The following FAM163A variants were observed in gnomAD, a reference collection of about 807,000 sequenced individuals.
FAM163A encodes family with sequence similarity 163 member A.
In FAM163A, 7 loss-of-function variants were observed where a neutral mutation model predicts 12.0. The ratio of observed to expected loss-of-function variants is 0.58; its 90% CI spans 0.33 to 1.10. The LOEUF is 1.10. Ranked by LOEUF, FAM163A falls within the 50% of genes least tolerant of loss-of-function variation. The probability of loss-of-function intolerance (pLI) is 0.03; values close to 1 mark genes in which losing one functional copy is unlikely to be tolerated. For missense variants in FAM163A, 202 were observed against 218.6 expected (o/e 0.92, Z 0.48); for synonymous variants, 101 against 91.0 (o/e 1.11, Z -0.62).
chr1:179,800,993 G>A (rs1253824760), intron 1 of FAM163A, among the ~76,000 whole-genome samples: 1 of 152,108 alleles, frequency 6.6e-6, no homozygotes, highest in Non-Finnish European at 1.5e-5. Context: ...AGGGCTCAGC[G>A]GAAACCCAAA....
intron 1 of FAM163A, among the ~76,000 whole-genome samples, chr1:179,762,992 C>G (rs1394255271): frequency 6.6e-6 from 1 of 152,148 alleles, no homozygotes; most frequent in Admixed American, 6.5e-5. Context: ...AACATGTATA[C>G]TTCATCTCTA....
At chr1:179,782,423 T>C (rs1375181533) in intron 1 of FAM163A, among the ~76,000 whole-genome samples, 2 of 151,932 alleles carry the variant, frequency 1.3e-5, no homozygotes, top group African/African-American at 4.8e-5. Flanking sequence ...CCTGGTGATG[T>C]GGTCCGGGCA....
chr1:179,744,694 G>A (rs1684200253), intron 1 of FAM163A, among the ~76,000 whole-genome samples: 1 of 152,146 alleles, frequency 6.6e-6, no homozygotes, highest in African/African-American at 2.4e-5. Flanking sequence ...GCGGAGGCCC[G>A]CAGGCACTTT....
At position 179,815,114 on chromosome 1, in the gene FAM163A, GACAC is replaced by G. The variant is rs5779040; in HGVS notation, c.*959_*962del. 47,445 of 129,510 alleles carry G rather than the reference GACAC, an allele frequency of 0.37. 9,520 individuals carry two copies. Among genetic ancestry groups the G allele is most frequent in the East Asian group, 0.58 (2,772 of 4,770 alleles). 8.0% of individuals were successfully genotyped at this position (129,510 alleles called of 1,614,324 possible). A position where few individuals can be genotyped will look rare whatever the true frequency, so the allele number is the denominator to read the frequency against. On this transcript the variant is annotated 3_prime_UTR_variant, in exon 5 of 5. Coordinates refer to ENST00000341785, the MANE Select transcript of FAM163A (RefSeq NM_173509.3). ...GTACGCACGCGCGCGCGCGCGCACA[GACAC>G]ACACACACACACACACACACACACA... is the stretch of plus-strand genomic sequence containing the variant.
At chr1:179,795,190 G>A (rs928933327) in intron 1 of FAM163A, among the ~76,000 whole-genome samples, 5 of 152,190 alleles carry the variant, frequency 3.3e-5, no homozygotes, top group Non-Finnish European at 7.3e-5. Flanking sequence ...AAACAGCCGG[G>A]CATGATGGCT....
At chr1:179,786,115 T>G (rs1472443906) in intron 1 of FAM163A, among the ~76,000 whole-genome samples, 1 of 152,236 alleles carries the variant, frequency 6.6e-6, no homozygotes, top group Non-Finnish European at 1.5e-5. Context: ...TAATTAATAC[T>G]TTTTAATCTT....
the FAM163A span, among the ~76,000 whole-genome samples, chr1:179,737,364 T>A: frequency 6.6e-6 from 1 of 151,942 alleles, no homozygotes; most frequent in Non-Finnish European, 1.5e-5. Flanking sequence ...AAGGAGGAAA[T>A]GAAGAGTTGT....
intron 1 of FAM163A, among the ~76,000 whole-genome samples, chr1:179,761,184 G>T (rs989417689): frequency 1.7e-4 from 26 of 152,234 alleles, no homozygotes; most frequent in Non-Finnish European, 3.5e-4. Context: ...CATTTTGTGT[G>T]TATGAGGGTA....
Position 179,748,636 on chromosome 1 carries a change from G to A in FAM163A, c.-136+5213G>A, listed in dbSNP as rs77717468. Among the ~76,000 whole-genome samples the A allele has an allele frequency of 5.7e-3, 868 of 152,292 alleles. 8 individuals are homozygous for A. The highest frequency in any genetic ancestry group is 0.02 in the African/African-American group (825 of 41,562). ...CTAAAGAAGCAAACACTAAGTAGAG[G>A]AGCAAGTGACATGCTGTCAGGTGCA... On this transcript the variant is annotated intron_variant, in intron 1 of 4. Transcript: ENST00000341785.
At chr1:179,759,306 T>C (rs1221554058) in intron 1 of FAM163A, among the ~76,000 whole-genome samples, 3 of 150,380 alleles carry the variant, frequency 2.0e-5, no homozygotes, top group Non-Finnish European at 4.4e-5. Flanking sequence ...TCCCATCACA[T>C]TGAGAGGATA....
chr1:179,747,950 AG>A (rs1557889058), intron 1 of FAM163A, among the ~76,000 whole-genome samples: 1 of 6,240 alleles, frequency 1.6e-4, no homozygotes, highest in Non-Finnish European at 3.4e-4. Context: ...AAGGGGGAGG[AG>A]GGGGAGGGGG....
Position 179,814,214 on chromosome 1 carries a change from A to T in FAM163A, c.*25A>T, listed in dbSNP as rs754788984. 1 of 1,573,388 alleles carries T rather than the reference A, an allele frequency of 6.4e-7. No homozygotes were observed. The highest frequency in any genetic ancestry group is 1.4e-5 in the African/African-American group (1 of 73,974). On this transcript the variant is annotated 3_prime_UTR_variant, in exon 5 of 5. Transcript: ENST00000341785. ...AATCCTTCCACCCCGACCCGCACAC[A>T]CACCCACACTGCTGCCCTGGCGGGG...
intron 1 of FAM163A, among the ~76,000 whole-genome samples, chr1:179,771,959 A>G (rs1413330901): frequency 6.6e-6 from 1 of 152,054 alleles, no homozygotes; most frequent in Non-Finnish European, 1.5e-5. Context: ...ACCTCTCTGC[A>G]GGTCAGTTTT....
upstream of FAM163A, chr1:179,742,131 A>G (rs1683728397): frequency 6.6e-6 from 1 of 152,178 alleles, no homozygotes; most frequent in Non-Finnish European, 1.5e-5. Flanking sequence ...GTGTGCTGCA[A>G]CAACAGTAGA....
chr1:179,780,559 G>T (rs553565598), intron 1 of FAM163A, among the ~76,000 whole-genome samples: 2 of 152,318 alleles, frequency 1.3e-5, no homozygotes, highest in East Asian at 3.9e-4. Flanking sequence ...AGCAACATCA[G>T]CATCACCTGG....
intron 1 of FAM163A, among the ~76,000 whole-genome samples, chr1:179,804,635 C>T (rs1350075657): frequency 6.6e-6 from 1 of 152,310 alleles, no homozygotes; most frequent in African/African-American, 2.4e-5. Flanking sequence ...TAAAGAAGAA[C>T]AAGATCTTGT....
At chr1:179,748,272 C>T (rs1330114940) in intron 1 of FAM163A, among the ~76,000 whole-genome samples, 3 of 152,176 alleles carry the variant, frequency 2.0e-5, no homozygotes, top group Admixed American at 6.5e-5. Flanking sequence ...AATTCTGGAA[C>T]GCACAAGGCA....
At chr1:179,790,116 T>C (rs1691225660) in intron 1 of FAM163A, among the ~76,000 whole-genome samples, 1 of 151,440 alleles carries the variant, frequency 6.6e-6, no homozygotes, top group East Asian at 1.9e-4. Context: ...ATGGTAGCAG[T>C]AGGTACAGAA....
intron 1 of FAM163A, among the ~76,000 whole-genome samples, chr1:179,767,488 T>C (rs1425114499): frequency 1.3e-5 from 2 of 152,002 alleles, no homozygotes; most frequent in Non-Finnish European, 2.9e-5. Context: ...TCACTTCACA[T>C]CCCCCCGCAT....
Sources: allele counts gnomAD v4.1 joint callset (sites outside exome capture counted in the v4.1 genomes callset), GRCh38; gene constraint gnomAD v4.1.1; transcripts MANE v1.5; gene names NCBI Gene and HGNC (gene_info 2026-07-23, HGNC 2026-07-21).